Variants in DPP10 observed in about 807,000 individuals in gnomAD.
DPP10 encodes the protein inactive dipeptidyl peptidase 10.
DPP10 carries 33 observed loss-of-function variants against 120.9 expected under a neutral mutation model. The ratio of observed to expected loss-of-function variants is 0.27; its 90% CI spans 0.21 to 0.37. The LOEUF is 0.37. Among genes scored for constraint, DPP10 ranks in the 10% least tolerant of loss-of-function variants. The probability of loss-of-function intolerance (pLI) is 1.00; values close to 1 mark genes in which losing one functional copy is unlikely to be tolerated. For missense variants in DPP10, 816 were observed against 942.8 expected (o/e 0.87, Z 1.76); for synonymous variants, 337 against 326.1 (o/e 1.03, Z -0.36).
chr2:115,412,441 T>G (rs1559563797), intron 3 of DPP10, among the ~76,000 whole-genome samples: 1 of 152,240 alleles, frequency 6.6e-6, no homozygotes, highest in African/African-American at 2.4e-5. Context: ...GAGCAGATAT[T>G]GAAGAACAAA....
intron 5 of DPP10, among the ~76,000 whole-genome samples, chr2:115,614,233 G>T (rs1437164353): frequency 2.0e-5 from 3 of 152,120 alleles, no homozygotes; most frequent in Non-Finnish European, 2.9e-5. Context: ...TCACAACAAG[G>T]TTATTGATAA....
chr2:115,379,758 G>C (rs903052629), intron 3 of DPP10, among the ~76,000 whole-genome samples: 1 of 151,984 alleles, frequency 6.6e-6, no homozygotes, highest in Non-Finnish European at 1.5e-5. Context: ...TTGTGTATTT[G>C]TTCTCGTTGG....
At chr2:115,379,352 A>T (rs1292795587) in intron 3 of DPP10, among the ~76,000 whole-genome samples, 1 of 152,154 alleles carries the variant, frequency 6.6e-6, no homozygotes, top group Non-Finnish European at 1.5e-5. Context: ...AGTTGTTTGT[A>T]GTATTCTCTG....
intron 1 of DPP10, among the ~76,000 whole-genome samples, chr2:115,088,274 A>AGCAG (rs1405431805): frequency 6.6e-6 from 1 of 152,146 alleles, no homozygotes; most frequent in Non-Finnish European, 1.5e-5. Context: ...TTCAGACCAT[A>AGCAG]GCAGCAGGAG....
intron 1 of DPP10, among the ~76,000 whole-genome samples, chr2:115,248,475 C>A (rs1474853810): frequency 6.6e-6 from 1 of 151,962 alleles, no homozygotes; most frequent in South Asian, 2.1e-4. Flanking sequence ...GTCAATCCTG[C>A]TTGCCCATCA....
intron 3 of DPP10, among the ~76,000 whole-genome samples, chr2:115,364,823 C>G (rs1006759711): frequency 1.3e-5 from 2 of 151,808 alleles, no homozygotes; most frequent in Non-Finnish European, 2.9e-5. Context: ...GTACAACAGA[C>G]CCTAATTTTA....
At chr2:114,566,124 G>T (rs35463802) in intron 1 of DPP10, among the ~76,000 whole-genome samples, 8 of 151,990 alleles carry the variant, frequency 5.3e-5, no homozygotes, top group Non-Finnish European at 8.8e-5. Flanking sequence ...AGGGGTTCAG[G>T]TTCAATTATC....
chr2:114,929,295 A>G (rs1695886068), intron 1 of DPP10, among the ~76,000 whole-genome samples: 1 of 152,132 alleles, frequency 6.6e-6, no homozygotes, highest in Non-Finnish European at 1.5e-5. Context: ...TCATTGATAA[A>G]CATCTTAACA....
intron 1 of DPP10, among the ~76,000 whole-genome samples, chr2:115,244,581 A>T (rs1287267022): frequency 2.0e-5 from 3 of 151,908 alleles, no homozygotes; most frequent in African/African-American, 7.2e-5. Flanking sequence ...TTATAGTGAG[A>T]GAGAGAATGT....
chr2:114,443,610 A>G (rs1170955590), intron 1 of DPP10, among the ~76,000 whole-genome samples: 1 of 151,008 alleles, frequency 6.6e-6, no homozygotes, highest in Non-Finnish European at 1.5e-5. Flanking sequence ...AGTTTACTAT[A>G]TTTTGCCATT....
chr2:115,809,496 T>A (rs112753974), intron 19 of DPP10, among the ~76,000 whole-genome samples: 1,538 of 152,346 alleles, frequency 0.01, 10 homozygotes, highest in Non-Finnish European at 0.017. Flanking sequence ...AAGGTAATAT[T>A]GTTCTTTGCA....
intron 1 of DPP10, among the ~76,000 whole-genome samples, chr2:114,973,680 A>AAAAAAAAAAAAAAAAAC (rs1699552586): frequency 6.7e-6 from 1 of 148,952 alleles, no homozygotes; most frequent in African/African-American, 2.4e-5. Flanking sequence ...AAAAAAAAAA[A>AAAAAAAAAAAAAAAAAC]AAAGTTAACT....
chr2:114,891,975 C>T (rs1177047650), intron 1 of DPP10, among the ~76,000 whole-genome samples: 1 of 152,138 alleles, frequency 6.6e-6, no homozygotes, highest in Non-Finnish European at 1.5e-5. Context: ...TTCATTGGCA[C>T]ATGTCTTTTT....
chr2:115,162,670 G>GT (rs2052511295), intron 1 of DPP10, among the ~76,000 whole-genome samples: 2 of 152,242 alleles, frequency 1.3e-5, no homozygotes, highest in African/African-American at 2.4e-5. Flanking sequence ...TTGGTGATGT[G>GT]TTGGGTTTGG....
intron 1 of DPP10, among the ~76,000 whole-genome samples, chr2:114,672,095 T>G (rs1007213956): frequency 6.6e-6 from 1 of 152,174 alleles, no homozygotes; most frequent in Non-Finnish European, 1.5e-5. Context: ...TATTTCTTTC[T>G]TAATTTATAT....
At chr2:114,634,250 A>G (rs1695148049) in intron 1 of DPP10, among the ~76,000 whole-genome samples, 1 of 151,900 alleles carries the variant, frequency 6.6e-6, no homozygotes, top group African/African-American at 2.4e-5. Flanking sequence ...TTGTTTCTCA[A>G]ATATGAAAAG....
At chr2:115,441,618 C>G (rs969705416) in intron 3 of DPP10, among the ~76,000 whole-genome samples, 2 of 152,076 alleles carry the variant, frequency 1.3e-5, no homozygotes, top group African/African-American at 4.8e-5. Flanking sequence ...AGCCACTAGT[C>G]TATGTTAGAC....
chr2:114,973,552 C>A (rs1039646202), intron 1 of DPP10, among the ~76,000 whole-genome samples: 2 of 145,826 alleles, frequency 1.4e-5, no homozygotes, highest in Admixed American at 7.3e-5. Flanking sequence ...GTCCCAGCTA[C>A]TCGGGAGACT....
At chr2:114,723,373 A>G (rs545557399) in intron 1 of DPP10, among the ~76,000 whole-genome samples, 2 of 152,332 alleles carry the variant, frequency 1.3e-5, no homozygotes, top group South Asian at 4.1e-4. Context: ...GGCTCCAGCA[A>G]GGAGATGATG....
Sources: gnomAD v4.1 joint callset for allele counts (sites outside exome capture counted in the v4.1 genomes callset) on GRCh38, gnomAD v4.1.1 for gene constraint, MANE v1.5 for transcripts, NCBI Gene and HGNC (gene_info 2026-07-23, HGNC 2026-07-21) for gene names.